Variants in ECI2 observed in about 807,000 individuals in gnomAD.
ECI2 encodes the protein enoyl-CoA delta isomerase 2, also known as D3,D2-enoyl-CoA isomerase.
A neutral mutation model predicts 38.4 loss-of-function variants in ECI2; 27 were observed. The ratio of observed to expected loss-of-function variants is 0.70; its 90% CI spans 0.52 to 0.97. ECI2 has a LOEUF of 0.97. Among genes scored for constraint, ECI2 ranks in the 50% least tolerant of loss-of-function variants. The pLI is 0.00. For missense variants in ECI2, 470 were observed against 474.4 expected (o/e 0.99, Z 0.09); for synonymous variants, 168 against 172.0 (o/e 0.98, Z 0.18).
At chr6:4,122,055 A>G in intron 7 of ECI2, 9 of 1,547,494 alleles carry the variant, frequency 5.8e-6, no homozygotes, top group Non-Finnish European at 8.0e-6. Flanking sequence ...AGGTACATGC[A>G]AAGTTGCCAG....
At chr6:4,135,282 G>T in intron 1 of ECI2, 1 of 1,286,320 alleles carries the variant, frequency 7.8e-7, no homozygotes, top group Non-Finnish European at 1.1e-6. Context: ...GGGAACCATA[G>T]CCCTGACCTC....
rs1215704339 is a variant in ECI2, at chr6:4,117,385, T to G, written c.952A>C (p.Thr318Pro). 2.5e-6 allele frequency: 4 copies of G among 1,614,048 alleles called. No homozygotes were observed. The highest frequency in any genetic ancestry group is 3.4e-6 in the Non-Finnish European group (4 of 1,180,006). Residue 318 changes from threonine to proline, a missense_variant, in exon 9 of 10, where the codon ACT becomes CCT. Coordinates refer to ENST00000380118, the MANE Select transcript of ECI2 (RefSeq NM_206836.3). Reference protein sequence around the residue: ...AGEACAQGLVTEVFPDSTFQK... With the variant: ...AGEACAQGLVPEVFPDSTFQK... ...AAAGTGCTATCAGGGAAAACTTCAG[T>G]AACAAGTCCTTGAGCACATGCCTCT...
intron 2 of ECI2, among the ~76,000 whole-genome samples, chr6:4,132,055 G>A (rs1170307814): frequency 2.0e-5 from 3 of 152,084 alleles, no homozygotes; most frequent in Non-Finnish European, 4.4e-5. Context: ...CAAGGCTGGA[G>A]GGCACCCAGG....
chr6:4,125,514 C>A, intron 6 of ECI2, 144 bp from the exon 7 acceptor site: 1 of 1,195,680 alleles, frequency 8.4e-7, no homozygotes, highest in South Asian at 1.5e-5. Flanking sequence ...CTTGTCCTGC[C>A]ACTTCCCTGG....
Position 4,133,010 on chromosome 6 carries a change from C to T in ECI2, c.213+539G>A, listed in dbSNP as rs192139918. Among the ~76,000 whole-genome samples, 70 of 152,206 alleles carry T rather than the reference C, an allele frequency of 4.6e-4. 1 individual carries two copies. The highest frequency in any genetic ancestry group is 1.6e-3 in the African/African-American group (65 of 41,522). On this transcript the variant is annotated intron_variant, in intron 2 of 9. Coordinates refer to ENST00000380118, the MANE Select transcript of ECI2 (RefSeq NM_206836.3). ...AACTCCTGACCTTAAGGGATCTGCCCGCCTCAGCCTCCCAAAGTGCTGGGA... is the reference window on the plus strand; with the variant it reads ...AACTCCTGACCTTAAGGGATCTGCCTGCCTCAGCCTCCCAAAGTGCTGGGA...
At chr6:4,118,994 T>A (rs1398722771) in intron 8 of ECI2, 192 bp downstream of exon 8, 3 of 483,586 alleles carry the variant, frequency 6.2e-6, no homozygotes, top group Non-Finnish European at 1.1e-5. Context: ...AATTTCTAAT[T>A]TTCCTGCATA....
chr6:4,116,170 G>A (rs908708833), intron 9 of ECI2, 141 bp from the exon 10 acceptor site: 9 of 811,494 alleles, frequency 1.1e-5, no homozygotes, highest in Non-Finnish European at 1.5e-5. Flanking sequence ...GGCCAACATG[G>A]TGAAACCCCA....
rs909811344 is a variant in ECI2, at chr6:4,117,403, A to G, written c.934T>C (p.Cys312Arg). The G allele has an allele frequency of 1.9e-6, 3 of 1,614,144 alleles. No individual in the cohort carries two copies. Among genetic ancestry groups the G allele is most frequent in the African/African-American group, 2.7e-5 (2 of 75,056 alleles). ...ACTTCAGTAACAAGTCCTTGAGCAC[A>G]TGCCTCTCCCGCTGTTAACTTCTTT... ...FGKKLTAGEA[C>R]AQGLVTEVFP... Residue 312 changes from cysteine to arginine, a missense_variant, in exon 9 of 10, where the codon TGT (cysteine) becomes CGT (arginine). Transcript: ENST00000380118.
intron 1 of ECI2, among the ~76,000 whole-genome samples, chr6:4,134,756 G>A (rs769295421): frequency 6.6e-6 from 1 of 152,048 alleles, no homozygotes; most frequent in South Asian, 2.1e-4. Context: ...ATTCCACGTA[G>A]AAAACGAAAG....
chr6:4,134,541 T>C (rs544101651), intron 1 of ECI2, among the ~76,000 whole-genome samples: 1 of 152,202 alleles, frequency 6.6e-6, no homozygotes, highest in East Asian at 1.9e-4. Context: ...ATAATAGAGT[T>C]AATGGCAAAA....
intron 1 of ECI2, among the ~76,000 whole-genome samples, chr6:4,134,650 T>G (rs1773644200): frequency 6.6e-6 from 1 of 152,208 alleles, no homozygotes; most frequent in South Asian, 2.1e-4. Flanking sequence ...GTTCAAACTT[T>G]GGACTATTAG....
chr6:4,125,177 C>T (rs113468289), intron 7 of ECI2, 73 bp downstream of exon 7: 24 of 1,581,146 alleles, frequency 1.5e-5, no homozygotes, highest in African/African-American at 9.5e-5. Flanking sequence ...TGACTGGCAA[C>T]GCTGAAGGAG....
At chr6:4,130,658 G>T (rs1469800683) in intron 3 of ECI2, 98 bp from the exon 4 acceptor site, 2 of 1,603,656 alleles carry the variant, frequency 1.2e-6, no homozygotes, top group Non-Finnish European at 1.7e-6. Flanking sequence ...AATGAAGAAA[G>T]AATAGAAGCA....
At chr6:4,116,480 G>A (rs996866314) in intron 9 of ECI2, among the ~76,000 whole-genome samples, 46 of 147,492 alleles carry the variant, frequency 3.1e-4, no homozygotes, top group African/African-American at 1.1e-3. Flanking sequence ...TCACTCTGTC[G>A]CCCAGGCTGG....
Position 4,135,554 on chromosome 6 carries a change from T to A in ECI2, c.7A>T (p.Met3Leu). MA[M>L]AYLAWRLARR... is the part of the protein sequence containing the mutation. Reference sequence around the variant, plus strand: ...GCCAGTCTCCAAGCCAAGTACGCCATCGCCATCCCTTGGGCGGCTCTAGGG... The same window carrying A: ...GCCAGTCTCCAAGCCAAGTACGCCAACGCCATCCCTTGGGCGGCTCTAGGG... Residue 3 changes from methionine (M) to leucine (L), a missense_variant, in exon 1 of 10, where the codon ATG becomes TTG. Transcript: ENST00000380118. 1.3e-6 allele frequency: 2 copies of A among 1,499,672 alleles called. No homozygotes were observed. Among genetic ancestry groups the A allele is most frequent in the Non-Finnish European group, 1.8e-6 (2 of 1,112,620 alleles). 92.9% of individuals were successfully genotyped at this position (1,499,672 alleles called of 1,614,324 possible). A position where few individuals can be genotyped will look rare whatever the true frequency, so the allele number is the denominator to read the frequency against.
rs117792259 is a variant in ECI2 at position 4,126,180 on chromosome 6, G to A, written c.629C>T (p.Pro210Leu). Residue 210 changes from proline (P) to leucine (L), a missense_variant, in exon 6 of 10, where the codon CCT (proline) becomes CTT (leucine). Physicochemically the swap from Pro to Leu is moderately conservative, Grantham distance 98. Transcript: ENST00000380118. ...NDLTNFTDIP[P>L]GGVEEKAKNN... ...TTTAGCTTTCTCCTCTACTCCACCA[G>A]GGGGAATATCAGTGAAGTTAGTCAG... 2.5e-6 allele frequency: 4 copies of A among 1,613,798 alleles called. No individual in the cohort carries two copies. In the East Asian group the frequency reaches 8.9e-5, roughly 36 times the overall value.
intron 7 of ECI2, among the ~76,000 whole-genome samples, chr6:4,124,739 G>A (rs1056853735): frequency 2.0e-5 from 3 of 152,150 alleles, no homozygotes; most frequent in African/African-American, 7.2e-5. Context: ...ACTAAAATCT[G>A]TATAATGCAA....
chr6:4,130,064 C>A, intron 4 of ECI2: 1 of 1,578,806 alleles, frequency 6.3e-7, no homozygotes, highest in Non-Finnish European at 8.7e-7. Flanking sequence ...TCTACACCAA[C>A]CTTAGATGGC....
At chr6:4,121,878 T>C in intron 7 of ECI2, 1 of 777,152 alleles carries the variant, frequency 1.3e-6, no homozygotes, top group South Asian at 2.0e-5. Flanking sequence ...ATGCAGCATA[T>C]ACATAAAAAT....
Sources: allele counts gnomAD v4.1 joint callset (sites outside exome capture counted in the v4.1 genomes callset), GRCh38; gene constraint gnomAD v4.1.1; transcripts MANE v1.5; gene names NCBI Gene and HGNC (gene_info 2026-07-23, HGNC 2026-07-21).